Variants in LRRTM4 observed in about 807,000 individuals in gnomAD.
The protein encoded by LRRTM4 is leucine rich repeat transmembrane neuronal 4.
A neutral mutation model predicts 47.6 loss-of-function variants in LRRTM4; 25 were observed. The observed-to-expected ratio is 0.53, with a 90% CI of 0.38 to 0.73. The LOEUF is 0.73. LRRTM4 is among the 30% of genes least tolerant of loss of function. The pLI is 0.00. For synonymous variants in LRRTM4, 311 were observed against 269.5 expected (o/e 1.15, Z -1.51); for missense variants, 638 against 713.4 (o/e 0.89, Z 1.20).
At chr2:76,804,276 T>C (rs1460280113) in intron 3 of LRRTM4, among the ~76,000 whole-genome samples, 1 of 152,216 alleles carries the variant, frequency 6.6e-6, no homozygotes, top group African/African-American at 2.4e-5. Flanking sequence ...TTTTTTAATT[T>C]GTTATTTCTC....
intron 3 of LRRTM4, among the ~76,000 whole-genome samples, chr2:77,058,377 GGGGAGTACTTA>G (rs1679675927): frequency 6.6e-6 from 1 of 152,152 alleles, no homozygotes; most frequent in Admixed American, 6.6e-5. Flanking sequence ...CTGGCGAATT[GGGGAGTACTTA>G]GGCAAATGTG....
intron 3 of LRRTM4, among the ~76,000 whole-genome samples, chr2:76,881,631 A>C (rs928375729): frequency 6.6e-5 from 10 of 152,052 alleles, no homozygotes; most frequent in African/African-American, 2.4e-4. Flanking sequence ...AAAAAAACTG[A>C]ACTACTTCTT....
chr2:77,441,153 T>C (rs1286842530), intron 3 of LRRTM4, among the ~76,000 whole-genome samples: 2 of 152,212 alleles, frequency 1.3e-5, no homozygotes, highest in African/African-American at 2.4e-5. Context: ...GATGATCTGG[T>C]ATAATTTCTT....
intron 3 of LRRTM4, among the ~76,000 whole-genome samples, chr2:76,854,108 T>C (rs1188592390): frequency 1.3e-5 from 2 of 152,158 alleles, no homozygotes; most frequent in Non-Finnish European, 2.9e-5. Context: ...GGCAACGAAT[T>C]CTTGATTTTG....
intron 3 of LRRTM4, among the ~76,000 whole-genome samples, chr2:76,934,224 TAA>T (rs1674865392): frequency 6.6e-6 from 1 of 152,170 alleles, no homozygotes; most frequent in Non-Finnish European, 1.5e-5. Flanking sequence ...AATACGATAA[TAA>T]AAGAGAGCAT....
chr2:77,028,504 G>A (rs539214735), intron 3 of LRRTM4, among the ~76,000 whole-genome samples: 1 of 152,138 alleles, frequency 6.6e-6, no homozygotes, highest in Non-Finnish European at 1.5e-5. Context: ...CTTGAAAACT[G>A]GATTATGTGG....
intron 3 of LRRTM4, among the ~76,000 whole-genome samples, chr2:76,862,557 G>A (rs1250330160): frequency 6.6e-6 from 1 of 152,170 alleles, no homozygotes; most frequent in Non-Finnish European, 1.5e-5. Context: ...ACAATAGATA[G>A]TAGCAGCAAG....
intron 3 of LRRTM4, among the ~76,000 whole-genome samples, chr2:77,337,286 C>T (rs1671201209): frequency 6.6e-6 from 1 of 152,032 alleles, no homozygotes; most frequent in Non-Finnish European, 1.5e-5. Context: ...ATTAAAATGT[C>T]CATACTGTCC....
At chr2:76,847,236 C>T (rs528298325) in intron 3 of LRRTM4, among the ~76,000 whole-genome samples, 6 of 152,234 alleles carry the variant, frequency 3.9e-5, no homozygotes, top group African/African-American at 1.4e-4. Flanking sequence ...TATTTGCAAC[C>T]CACTCCTAAC....
At chr2:77,392,259 A>G (rs1673532680) in intron 3 of LRRTM4, among the ~76,000 whole-genome samples, 1 of 151,982 alleles carries the variant, frequency 6.6e-6, no homozygotes, top group Non-Finnish European at 1.5e-5. Flanking sequence ...AAAATCTTTA[A>G]ATACACCTAT....
intron 3 of LRRTM4, among the ~76,000 whole-genome samples, chr2:77,106,933 C>T (rs975381745): frequency 6.6e-6 from 1 of 151,576 alleles, no homozygotes. Flanking sequence ...AACTAGAAAC[C>T]TGCATATACA....
At chr2:77,083,843 C>A (rs751759799) in intron 3 of LRRTM4, among the ~76,000 whole-genome samples, 1 of 112,806 alleles carries the variant, frequency 8.9e-6, no homozygotes, top group Non-Finnish European at 1.7e-5. Context: ...CTCGCTCTGT[C>A]GCCCAGGCTG....
chr2:77,193,506 T>G (rs572856977), intron 3 of LRRTM4, among the ~76,000 whole-genome samples: 2 of 152,230 alleles, frequency 1.3e-5, no homozygotes, highest in African/African-American at 2.4e-5. Flanking sequence ...CTTTTTTTTT[T>G]TAACATTATA....
chr2:76,789,914 C>G (rs1035307792), intron 3 of LRRTM4, among the ~76,000 whole-genome samples: 2 of 152,126 alleles, frequency 1.3e-5, no homozygotes, highest in Non-Finnish European at 2.9e-5. Flanking sequence ...TTCTATTTCA[C>G]TTTTAGATGG....
intron 3 of LRRTM4, among the ~76,000 whole-genome samples, chr2:76,898,384 A>G (rs1573276866): frequency 6.6e-6 from 1 of 152,184 alleles, no homozygotes; most frequent in East Asian, 1.9e-4. Context: ...CTTTGCTTCA[A>G]TAAAAATTTC....
At chr2:77,269,724 A>T (rs756176261) in intron 3 of LRRTM4, among the ~76,000 whole-genome samples, 9 of 152,234 alleles carry the variant, frequency 5.9e-5, no homozygotes, top group African/African-American at 1.7e-4. Flanking sequence ...TTTTTCTTTC[A>T]GTGCACAAGG....
chr2:76,964,988 A>G (rs1675977395), intron 3 of LRRTM4, among the ~76,000 whole-genome samples: 1 of 95,414 alleles, frequency 1.0e-5, no homozygotes, highest in African/African-American at 8.0e-5. Flanking sequence ...CCCAAAATTC[A>G]AAGAAAAATA....
intron 3 of LRRTM4, among the ~76,000 whole-genome samples, chr2:77,180,629 A>T (rs1361217524): frequency 6.6e-6 from 1 of 152,162 alleles, no homozygotes; most frequent in Non-Finnish European, 1.5e-5. Context: ...GTTTGTGTAA[A>T]ATCATGAAAA....
At chr2:76,815,471 TGAA>T (rs1486666618) in intron 3 of LRRTM4, among the ~76,000 whole-genome samples, 2 of 152,102 alleles carry the variant, frequency 1.3e-5, no homozygotes, top group South Asian at 4.1e-4. Flanking sequence ...AAAGAGATGA[TGAA>T]ATTAATTAAT....
Sources: allele counts gnomAD v4.1 joint callset (sites outside exome capture counted in the v4.1 genomes callset), GRCh38; gene constraint gnomAD v4.1.1; transcripts MANE v1.5; gene names NCBI Gene and HGNC (gene_info 2026-07-23, HGNC 2026-07-21).